UBE2D3: variants seen among roughly 807,000 people sequenced by gnomAD.
UBE2D3 encodes ubiquitin conjugating enzyme E2 D3.
UBE2D3 carries 2 observed loss-of-function variants against 22.8 expected under a neutral mutation model. The ratio of observed to expected loss-of-function variants is 0.09; its 90% CI spans 0.04 to 0.28. The LOEUF (loss-of-function observed/expected upper bound fraction) is 0.28. UBE2D3 is among the 10% of genes least tolerant of loss of function. UBE2D3 has a pLI of 1.00. For synonymous variants in UBE2D3, 56 were observed against 60.4 expected, an observed-to-expected ratio of 0.93 and a Z score of 0.34; for missense variants, 27 against 182.5, an observed-to-expected ratio of 0.15 and a Z score of 4.91.
At chr4:102,826,802 G>T in intron 1 of UBE2D3, 166 bp from the exon 2 acceptor site, 3 of 1,248,500 alleles carry the variant, frequency 2.4e-6, no homozygotes, top group Non-Finnish European at 3.0e-6. Context: ...CGAGGGTGAC[G>T]GGAAGAGCGG....
At chr4:102,847,633 T>C (rs989451574) in intron 1 of UBE2D3, among the ~76,000 whole-genome samples, 71 of 151,754 alleles carry the variant, frequency 4.7e-4, no homozygotes, top group African/African-American at 1.4e-3. Flanking sequence ...CTTTTTCTTA[T>C]GTATTTTTCT....
intron 1 of UBE2D3, chr4:102,868,594 T>C (rs886280664): frequency 7.3e-5 from 94 of 1,283,672 alleles, no homozygotes; most frequent in Non-Finnish European, 9.9e-5. Flanking sequence ...AATTAGGCAC[T>C]GGGGTCTGGG....
chr4:102,848,371 A>T (rs576397058), intron 1 of UBE2D3, among the ~76,000 whole-genome samples: 2 of 151,936 alleles, frequency 1.3e-5, no homozygotes, highest in Non-Finnish European at 3.0e-5. Context: ...TAGGCCGGGC[A>T]TGGTGGCTCA....
chr4:102,824,378 T>G (rs757576194), intron 2 of UBE2D3, among the ~76,000 whole-genome samples: 1 of 152,238 alleles, frequency 6.6e-6, no homozygotes, highest in African/African-American at 2.4e-5. Context: ...CTGTTCAAAT[T>G]TGCACATTAA....
At chr4:102,842,679 G>A (rs1316395825) in intron 1 of UBE2D3, among the ~76,000 whole-genome samples, 3 of 152,164 alleles carry the variant, frequency 2.0e-5, no homozygotes, top group African/African-American at 7.2e-5. Context: ...AAAGGCACTT[G>A]TTAGTGACAA....
In UBE2D3 at chr4:102,798,294, A is replaced by ATATATATATATATATATATATATATC. The variant is rs1560839197; in HGVS notation, c.399-835_399-834insGATATATATATATATATATATATATA. Among the ~76,000 whole-genome samples the ATATATATATATATATATATATATATC allele has an allele frequency of 5.4e-5, 8 of 147,950 alleles. 1 individual carries two copies. The highest frequency in any genetic ancestry group is 1.2e-4 in the Non-Finnish European group (8 of 67,132). ...TTAAGAAATGAATATATATATATAT[A>ATATATATATATATATATATATATATC]TATGCACAGGAGAATTTTTATATTG... On this transcript the variant is annotated intron_variant, in intron 7 of 7. Coordinates refer to ENST00000453744, the MANE Select transcript of UBE2D3 (RefSeq NM_181891.3).
At chr4:102,799,285 T>C in intron 7 of UBE2D3, 122 bp downstream of exon 7, 4 of 787,548 alleles carry the variant, frequency 5.1e-6, no homozygotes, top group Non-Finnish European at 8.0e-6. Flanking sequence ...TTTCAATAGC[T>C]TTCTCCATAT....
intron 2 of UBE2D3, among the ~76,000 whole-genome samples, chr4:102,821,058 T>C (rs997530711): frequency 6.6e-6 from 1 of 152,154 alleles, no homozygotes; most frequent in Non-Finnish European, 1.5e-5. Flanking sequence ...GAGGATACAA[T>C]TCTGAATAAA....
intron 1 of UBE2D3, among the ~76,000 whole-genome samples, chr4:102,837,961 A>G (rs1731506797): frequency 2.0e-5 from 3 of 151,106 alleles, no homozygotes; most frequent in Non-Finnish European, 1.5e-5. Context: ...CTCAAAAAAT[A>G]TATACATATT....
intron 2 of UBE2D3, among the ~76,000 whole-genome samples, chr4:102,819,190 C>A (rs1352271786): frequency 6.6e-6 from 1 of 151,936 alleles, no homozygotes; most frequent in African/African-American, 2.4e-5. Context: ...ATTAGCCGGG[C>A]ATGATGGCGG....
intron 2 of UBE2D3, chr4:102,825,995 T>C (rs924387536): frequency 2.4e-5 from 7 of 295,114 alleles, no homozygotes; most frequent in Non-Finnish European, 4.7e-5. Flanking sequence ...AGACTTCTTC[T>C]ACCCGACCCT....
chr4:102,827,133 T>C (rs973277363), intron 1 of UBE2D3: 37 of 986,460 alleles, frequency 3.8e-5, no homozygotes, highest in Non-Finnish European at 4.8e-6. Context: ...GTGTCACCCC[T>C]GACGCCACCG....
At chr4:102,853,135 A>ATTTTTTTTTTTTTTTTTTTTTTT (rs151339235) in intron 1 of UBE2D3, among the ~76,000 whole-genome samples, 1 of 88,606 alleles carries the variant, frequency 1.1e-5, no homozygotes, top group Non-Finnish European at 2.1e-5. Flanking sequence ...AAACACACAC[A>ATTTTTTTTTTTTTTTTTTTTTTT]TTTTTTTTTT....
At chr4:102,823,578 C>T (rs1729970681) in intron 2 of UBE2D3, among the ~76,000 whole-genome samples, 1 of 152,184 alleles carries the variant, frequency 6.6e-6, no homozygotes, top group Non-Finnish European at 1.5e-5. Flanking sequence ...TATCTTCAAA[C>T]GTCCCTAAAA....
intron 1 of UBE2D3, 25 bp downstream of exon 1, chr4:102,827,402 C>G: frequency 1.0e-6 from 1 of 986,238 alleles, no homozygotes; most frequent in South Asian, 4.7e-5. Flanking sequence ...CCTTCCCTGC[C>G]CTAGCCGTCC....
chr4:102,821,344 T>G (rs755989496), intron 2 of UBE2D3, among the ~76,000 whole-genome samples: 7 of 152,052 alleles, frequency 4.6e-5, no homozygotes, highest in African/African-American at 1.7e-4. Flanking sequence ...TCTTGAAAGG[T>G]AAATTACAAA....
At chr4:102,828,231 G>A (rs1473761097), upstream of UBE2D3, 3 of 985,338 alleles carry the variant, frequency 3.0e-6, no homozygotes, top group Non-Finnish European at 3.6e-6. Flanking sequence ...GCCCAATCAG[G>A]AGCGTGTGGT....
In UBE2D3 at chr4:102,827,479, C is replaced by A; in HGVS notation, c.-181G>T. 1.0e-6 allele frequency: 1 copy of A among 986,224 alleles called. No individual in the cohort carries two copies. The highest frequency in any genetic ancestry group is 1.2e-6 in the Non-Finnish European group (1 of 830,194). The allele number at this position is 986,224 out of a possible 1,614,324, so 61.1% of individuals were successfully genotyped here. On this transcript the variant is annotated 5_prime_UTR_variant, in exon 1 of 8. Transcript: ENST00000453744. ...CGGCCTCGGCCTCCTCCCCGCGCGG[C>A]AGCTGGTGCCTCCCCGGCCCTACGG...
At chr4:102,847,164 A>G (rs1321435790) in intron 1 of UBE2D3, among the ~76,000 whole-genome samples, 1 of 152,196 alleles carries the variant, frequency 6.6e-6, no homozygotes, top group East Asian at 1.9e-4. Context: ...TTAGAATAGG[A>G]AAGGGGAAGA....
Sources: gnomAD v4.1 joint callset for allele counts (sites outside exome capture counted in the v4.1 genomes callset) on GRCh38, gnomAD v4.1.1 for gene constraint, MANE v1.5 for transcripts, NCBI Gene and HGNC (gene_info 2026-07-23, HGNC 2026-07-21) for gene names.